Variants in ARMC2 observed in about 807,000 individuals in gnomAD.
ARMC2 encodes armadillo repeat containing 2.
ARMC2 carries 67 observed loss-of-function variants against 90.3 expected under a neutral mutation model. The observed-to-expected ratio is 0.74, with a 90% confidence interval of 0.61 to 0.91. ARMC2 has a LOEUF of 0.91. Ranked by LOEUF, ARMC2 falls within the 40% of genes least tolerant of loss-of-function variation. ARMC2 has a pLI of 0.00. For synonymous variants in ARMC2, 393 were observed against 393.0 expected, an observed-to-expected ratio of 1.00 and a Z score of 0.00; for missense variants, 920 against 1,030.9, an observed-to-expected ratio of 0.89 and a Z score of 1.47.
chr6:108,883,519 TG>T (rs1777790166), intron 5 of ARMC2, among the ~76,000 whole-genome samples: 1 of 152,246 alleles, frequency 6.6e-6, no homozygotes, highest in South Asian at 2.1e-4. Flanking sequence ...TGGGAGGAAG[TG>T]TGAGTACTGA....
intron 5 of ARMC2, among the ~76,000 whole-genome samples, chr6:108,876,904 C>T (rs1252686554): frequency 6.6e-6 from 1 of 152,190 alleles, no homozygotes; most frequent in Admixed American, 6.5e-5. Flanking sequence ...ATACCATGTT[C>T]CTAGATAGGG....
At chr6:109,030,700 G>GTT in the ARMC2 span, among the ~76,000 whole-genome samples, 1 of 152,206 alleles carries the variant, frequency 6.6e-6, no homozygotes, top group Non-Finnish European at 1.5e-5. Context: ...AATGATTATG[G>GTT]TTCTACCTAG....
chr6:108,884,387 G>A (rs947356589), intron 5 of ARMC2, among the ~76,000 whole-genome samples: 1 of 152,194 alleles, frequency 6.6e-6, no homozygotes. Context: ...ACAAGGTCTA[G>A]AAGCACTGTT....
the ARMC2 span, among the ~76,000 whole-genome samples, chr6:109,012,433 A>T: frequency 6.6e-6 from 1 of 152,192 alleles, no homozygotes; most frequent in Non-Finnish European, 1.5e-5. Flanking sequence ...CATTGCCTCT[A>T]CATCTGTCCT....
chr6:109,031,649 CCA>C, the ARMC2 span, among the ~76,000 whole-genome samples: 1 of 152,174 alleles, frequency 6.6e-6, no homozygotes, highest in Non-Finnish European at 1.5e-5. Flanking sequence ...ACTATAATTT[CCA>C]GTGAGCTAGC....
At chr6:108,968,591 G>A (rs1778541184) in intron 17 of ARMC2, among the ~76,000 whole-genome samples, 1 of 152,170 alleles carries the variant, frequency 6.6e-6, no homozygotes, top group Non-Finnish European at 1.5e-5. Context: ...CTTCTGACCG[G>A]GTCGTGGCTG....
chr6:108,945,457 G>A (rs1776737075), intron 12 of ARMC2, among the ~76,000 whole-genome samples: 1 of 152,204 alleles, frequency 6.6e-6, no homozygotes, highest in South Asian at 2.1e-4. Flanking sequence ...CCTATCACAT[G>A]TGTCCATTGA....
chr6:108,940,417 A>T (rs1333369889), intron 12 of ARMC2, among the ~76,000 whole-genome samples: 2 of 152,214 alleles, frequency 1.3e-5, no homozygotes, highest in Non-Finnish European at 2.9e-5. Context: ...GACAGGCTTG[A>T]GGAGGCAATA....
the ARMC2 span, chr6:108,990,838 A>T: frequency 6.2e-7 from 1 of 1,612,046 alleles, no homozygotes; most frequent in African/African-American, 1.3e-5. Context: ...CAATAGTCCT[A>T]AATACAGGGA....
At chr6:108,961,170 G>T (rs1306561785) in intron 13 of ARMC2, among the ~76,000 whole-genome samples, 1 of 152,152 alleles carries the variant, frequency 6.6e-6, no homozygotes, top group African/African-American at 2.4e-5. Flanking sequence ...GGGAGGCGGT[G>T]TGGGAAGGAG....
the ARMC2 span, among the ~76,000 whole-genome samples, chr6:109,020,535 A>G: frequency 6.6e-6 from 1 of 152,236 alleles, no homozygotes; most frequent in Admixed American, 6.5e-5. Context: ...ACAACTTTCA[A>G]AACAAATGCA....
At chr6:108,891,711 A>G (rs967841946) in intron 5 of ARMC2, among the ~76,000 whole-genome samples, 1 of 152,102 alleles carries the variant, frequency 6.6e-6, no homozygotes, top group African/African-American at 2.4e-5. Context: ...GTTCACTCTG[A>G]TGATAGTTTC....
intron 5 of ARMC2, among the ~76,000 whole-genome samples, chr6:108,884,237 G>C (rs1250410092): frequency 6.6e-6 from 1 of 152,144 alleles, no homozygotes; most frequent in East Asian, 1.9e-4. Context: ...TTACCAGCGT[G>C]TCAGGCCTTG....
intron 17 of ARMC2, 57 bp from the exon 18 acceptor site, chr6:108,973,300 A>G (rs1778883814): frequency 6.9e-7 from 1 of 1,450,908 alleles, no homozygotes; most frequent in Non-Finnish European, 9.4e-7. Context: ...AAATTAAACT[A>G]TATTCAATAG....
chr6:108,951,946 A>G (rs1197761443), intron 12 of ARMC2, among the ~76,000 whole-genome samples: 3 of 152,240 alleles, frequency 2.0e-5, no homozygotes, highest in Non-Finnish European at 4.4e-5. Context: ...TGGGAAGCAG[A>G]TGTTGGTGTA....
chr6:108,864,616 T>A lies in ARMC2; in HGVS notation c.292-4208T>A, dbSNP rs192984708. Among the ~76,000 whole-genome samples, 613 of 152,300 alleles carry A rather than the reference T, an allele frequency of 4.0e-3. 2 individuals carry two copies. The highest frequency in any genetic ancestry group is 0.014 in the African/African-American group (574 of 41,536). ...CTTTTGTTGCGTGTGTGTGTTTGTG[T>A]GTGTGTGTTCTGCTGCTTTACAGAT... On this transcript the variant is annotated intron_variant, in intron 3 of 17. Transcript: ENST00000392644.
chr6:108,885,897 A>T (rs1778048821), intron 5 of ARMC2, among the ~76,000 whole-genome samples: 1 of 152,156 alleles, frequency 6.6e-6, no homozygotes, highest in South Asian at 2.1e-4. Context: ...TTTTGTAAAT[A>T]AACTGTATTG....
intron 17 of ARMC2, among the ~76,000 whole-genome samples, chr6:108,971,201 A>G (rs1333840200): frequency 6.6e-6 from 1 of 151,996 alleles, no homozygotes; most frequent in Non-Finnish European, 1.5e-5. Context: ...TCCAGAGTAG[A>G]CTCTGTCTCG....
chr6:109,048,527 C>T, the ARMC2 span, among the ~76,000 whole-genome samples: 3 of 152,196 alleles, frequency 2.0e-5, no homozygotes, highest in Non-Finnish European at 4.4e-5. Context: ...TTTATTAGAA[C>T]AGATAGAAGG....
Sources: allele counts gnomAD v4.1 joint callset (sites outside exome capture counted in the v4.1 genomes callset), GRCh38; gene constraint gnomAD v4.1.1; transcripts MANE v1.5; gene names NCBI Gene and HGNC (gene_info 2026-07-23, HGNC 2026-07-21).